Variants in RIC3 observed in about 807,000 individuals in gnomAD.
RIC3 encodes the protein RIC3 acetylcholine receptor chaperone, also known as protein RIC-3.
A neutral mutation model predicts 27.3 loss-of-function variants in RIC3; 28 were observed. The ratio of observed to expected loss-of-function variants is 1.02; its 90% CI spans 0.76 to 1.41. The LOEUF is 1.41. RIC3 is among the 40% of genes most tolerant of loss of function. RIC3 has a pLI of 0.00. For missense variants in RIC3, 501 were observed against 444.7 expected (o/e 1.13, Z -1.14); for synonymous variants, 184 against 160.4 (o/e 1.15, Z -1.11).
downstream of RIC3, chr11:8,102,817 G>A (rs1944361792): frequency 6.6e-6 from 1 of 152,128 alleles, no homozygotes; most frequent in African/African-American, 2.4e-5. Flanking sequence ...GCTTGCCCTG[G>A]GTCACCTAGC....
At chr11:8,154,018 C>A (rs1950462214) in intron 1 of RIC3, among the ~76,000 whole-genome samples, 1 of 152,094 alleles carries the variant, frequency 6.6e-6, no homozygotes, top group Non-Finnish European at 1.5e-5. Flanking sequence ...CTTGGTACCA[C>A]CATGTTTCTT....
chr11:8,154,672 TGATA>T (rs1488505811), intron 1 of RIC3, among the ~76,000 whole-genome samples: 1 of 152,236 alleles, frequency 6.6e-6, no homozygotes, highest in Non-Finnish European at 1.5e-5. Context: ...CTTTTTCTGC[TGATA>T]AACATTTAGA....
chr11:8,098,520 C>T, the RIC3 span, among the ~76,000 whole-genome samples: 1 of 152,188 alleles, frequency 6.6e-6, no homozygotes, highest in Non-Finnish European at 1.5e-5. Flanking sequence ...CCTGATTGAC[C>T]TCCCTGAATT....
At chr11:8,129,193 G>C (rs1445330242) in intron 4 of RIC3, among the ~76,000 whole-genome samples, 1 of 151,616 alleles carries the variant, frequency 6.6e-6, no homozygotes, top group Admixed American at 6.6e-5. Context: ...TGAGACATTT[G>C]TATTCTCCCA....
the RIC3 span, among the ~76,000 whole-genome samples, chr11:8,100,173 A>G: frequency 6.6e-6 from 1 of 152,204 alleles, no homozygotes; most frequent in Non-Finnish European, 1.5e-5. Context: ...GTCTGGGTAT[A>G]ATTGGAAGGT....
At chr11:8,118,688 C>T (rs962613708) in intron 5 of RIC3, among the ~76,000 whole-genome samples, 1 of 151,690 alleles carries the variant, frequency 6.6e-6, no homozygotes, top group African/African-American at 2.4e-5. Flanking sequence ...ACCAACATGG[C>T]AAAACCCTGT....
At chr11:8,164,236 C>T (rs891230298) in intron 1 of RIC3, among the ~76,000 whole-genome samples, 2 of 152,106 alleles carry the variant, frequency 1.3e-5, no homozygotes, top group African/African-American at 2.4e-5. Flanking sequence ...AACTTGAAAA[C>T]ATAGGCATAA....
chr11:8,112,424 G>T (rs1945384107), intron 5 of RIC3, among the ~76,000 whole-genome samples: 1 of 151,878 alleles, frequency 6.6e-6, no homozygotes, highest in African/African-American at 2.4e-5. Flanking sequence ...CTCCTGAGTA[G>T]CTGGGATTAC....
At chr11:8,146,786 G>T (rs1374466501) in intron 1 of RIC3, among the ~76,000 whole-genome samples, 1 of 152,146 alleles carries the variant, frequency 6.6e-6, no homozygotes, top group Non-Finnish European at 1.5e-5. Flanking sequence ...AAATTTTCTG[G>T]TTGACAATTG....
chr11:8,138,408 C>G, intron 2 of RIC3, 61 bp from the exon 3 acceptor site: 1 of 1,011,002 alleles, frequency 9.9e-7, no homozygotes, highest in Non-Finnish European at 1.5e-6. Flanking sequence ...CACGGAACCC[C>G]TCATATCAAA....
downstream of RIC3, chr11:8,104,587 C>T (rs1281679936): frequency 1.3e-5 from 2 of 152,206 alleles, no homozygotes; most frequent in East Asian, 3.8e-4. Context: ...TCATCTCATG[C>T]TCTCTGAACA....
At chr11:8,138,038 C>T (rs538046946) in intron 3 of RIC3, among the ~76,000 whole-genome samples, 5 of 152,246 alleles carry the variant, frequency 3.3e-5, no homozygotes, top group East Asian at 1.9e-4. Flanking sequence ...TCATTCCAAA[C>T]GTGAAATATT....
intron 1 of RIC3, among the ~76,000 whole-genome samples, chr11:8,153,041 T>C (rs1950375259): frequency 1.3e-5 from 2 of 152,214 alleles, no homozygotes; most frequent in African/African-American, 4.8e-5. Context: ...ATTAAAGAAG[T>C]TAATTGATAA....
Position 8,155,498 on chromosome 11 carries a change from C to T in RIC3, c.124+13368G>A, listed in dbSNP as rs909392671. On this transcript the variant is annotated intron_variant, in intron 1 of 5. Coordinates refer to ENST00000309737, the MANE Select transcript of RIC3 (RefSeq NM_001206671.4). ...AGCTAAGGCAGGAGAATCGCTTGAA[C>T]CCGGGAGGCGGAGGTTGCAGTGAGC... Among the ~76,000 whole-genome samples, 9 of 152,224 alleles carry T rather than the reference C, an allele frequency of 5.9e-5. No individual in the cohort carries two copies. The South Asian group carries it at 1.9e-3, about 32-fold the overall frequency.
intron 1 of RIC3, among the ~76,000 whole-genome samples, chr11:8,152,158 A>C (rs914367440): frequency 1.3e-5 from 2 of 152,176 alleles, no homozygotes; most frequent in Admixed American, 6.5e-5. Context: ...GGAATGTAAA[A>C]TGGTGCAGCT....
At chr11:8,131,762 G>A (rs961369107) in intron 4 of RIC3, among the ~76,000 whole-genome samples, 3 of 151,760 alleles carry the variant, frequency 2.0e-5, no homozygotes, top group African/African-American at 7.3e-5. Flanking sequence ...TTAGCCAGGC[G>A]TGGTGGCACA....
At chr11:8,099,951 C>T in the RIC3 span, among the ~76,000 whole-genome samples, 4 of 152,184 alleles carry the variant, frequency 2.6e-5, no homozygotes. Flanking sequence ...GTCACATCTC[C>T]AGCTTTAACT....
At chr11:8,153,445 A>G (rs1347474559) in intron 1 of RIC3, 1 of 452,078 alleles carries the variant, frequency 2.2e-6, no homozygotes, top group Non-Finnish European at 4.4e-6. Context: ...AAAAGTAATT[A>G]TCACATAGTG....
At chr11:8,130,129 C>A (rs928259898) in intron 4 of RIC3, among the ~76,000 whole-genome samples, 7 of 152,198 alleles carry the variant, frequency 4.6e-5, no homozygotes, top group African/African-American at 1.4e-4. Flanking sequence ...GGAACCAACT[C>A]CTCTTCCATT....
Sources: allele counts gnomAD v4.1 joint callset (sites outside exome capture counted in the v4.1 genomes callset), GRCh38; gene constraint gnomAD v4.1.1; transcripts MANE v1.5; gene names NCBI Gene and HGNC (gene_info 2026-07-23, HGNC 2026-07-21).